SCGB2B2: variants seen among roughly 807,000 people sequenced by gnomAD.
SCGB2B2 encodes secretoglobin family 2B member 2.
Under a neutral mutation model 7.6 loss-of-function variants are expected in SCGB2B2, and 11 were observed. The ratio of observed to expected loss-of-function variants is 1.45; its 90% confidence interval spans 0.91 to 2.40. The LOEUF (loss-of-function observed/expected upper bound fraction) is 2.40. Among genes scored for constraint, SCGB2B2 ranks in the 30% most tolerant of loss-of-function variants. The pLI, the probability that SCGB2B2 is intolerant of heterozygous loss-of-function variation, is 0.00. For synonymous variants in SCGB2B2, 50 were observed against 48.6 expected (o/e 1.03, Z -0.12); for missense variants, 104 against 115.4 (o/e 0.90, Z 0.45).
chr19:34,674,046 T>A (rs2067864226), intron 1 of SCGB2B2, among the ~76,000 whole-genome samples: 1 of 152,206 alleles, frequency 6.6e-6, no homozygotes. Context: ...ACCTATGCCC[T>A]GAGTCACATC....
In SCGB2B2 at chr19:34,594,652, C is replaced by CGTGTGTGT. The variant is rs3055684; in HGVS notation, c.-97_-90dup. On this transcript the variant is annotated 5_prime_UTR_variant, in exon 2 of 4. It removes the in-frame stop codon of an upstream open reading frame in the 5' UTR. Transcript: ENST00000601241. Reference sequence around the variant, plus strand: ...TATCTGAACAAGGCACATGCCTCTTCGTGTGTGTGTGTGTGTGTGTGTGTG... The same window carrying CGTGTGTGT: ...TATCTGAACAAGGCACATGCCTCTTCGTGTGTGTGTGTGTGTGTGTGTGTGTGTGTGTG... 1.4e-3 allele frequency: 918 copies of CGTGTGTGT among 659,302 alleles called. No individual in the cohort carries two copies. Among genetic ancestry groups the CGTGTGTGT allele is most frequent in the African/African-American group, 7.3e-3 (381 of 52,524 alleles). 40.8% of individuals were successfully genotyped at this position (659,302 alleles called of 1,614,324 possible).
At chr19:34,642,515 A>T (rs1176538280) in intron 1 of SCGB2B2, among the ~76,000 whole-genome samples, 1 of 152,030 alleles carries the variant, frequency 6.6e-6, no homozygotes, top group African/African-American at 2.4e-5. Context: ...GGAGTTCAAG[A>T]CTAGCCTGGC....
At chr19:34,649,955 G>A (rs1293964891) in intron 1 of SCGB2B2, among the ~76,000 whole-genome samples, 1 of 151,198 alleles carries the variant, frequency 6.6e-6, no homozygotes, top group Non-Finnish European at 1.5e-5. Flanking sequence ...TTCAAGTCAA[G>A]GGTGAACCCT....
chr19:34,668,591 T>C (rs2067706987), intron 1 of SCGB2B2, among the ~76,000 whole-genome samples: 1 of 152,216 alleles, frequency 6.6e-6, no homozygotes. Context: ...ATCCACTGGG[T>C]GAAGCCACCT....
rs2067414738 is a variant in SCGB2B2, at chr19:34,660,267, A to G, written c.-2032+15363T>C. ...AAACACCAAAAGCAATGGCAACAAA[A>G]GCCAAAATAGACAAATGGGATCTAA... On this transcript the variant is annotated intron_variant, in intron 1 of 3. Transcript: ENST00000601241. Among the ~76,000 whole-genome samples, 4 of 152,246 alleles carry G rather than the reference A, an allele frequency of 2.6e-5. No individual in the cohort carries two copies. In the South Asian group the frequency reaches 8.3e-4, roughly 31 times the overall value.
chr19:34,651,305 T>C (rs2067156180), intron 1 of SCGB2B2, among the ~76,000 whole-genome samples: 1 of 151,058 alleles, frequency 6.6e-6, no homozygotes, highest in South Asian at 2.1e-4. Flanking sequence ...GGATGTCAAA[T>C]TGTCTCTGCT....
At chr19:34,639,142 T>C (rs1459379121) in intron 1 of SCGB2B2, among the ~76,000 whole-genome samples, 1 of 152,200 alleles carries the variant, frequency 6.6e-6, no homozygotes, top group Admixed American at 6.5e-5. Context: ...GGGACCATAA[T>C]CTGTGGATAG....
chr19:34,624,005 G>A (rs868144611), intron 1 of SCGB2B2, among the ~76,000 whole-genome samples: 1 of 152,178 alleles, frequency 6.6e-6, no homozygotes. Flanking sequence ...AGGGATGCAG[G>A]AGGAAAAAGA....
chr19:34,639,414 G>A lies in SCGB2B2; in HGVS notation c.-2032+36216C>T, dbSNP rs544517949. 2.6e-5 allele frequency among the ~76,000 whole-genome samples: 4 copies of A among 152,148 alleles called. No individual in the cohort carries two copies. In the South Asian group the frequency reaches 6.2e-4, roughly 24 times the overall value. On this transcript the variant is annotated intron_variant, in intron 1 of 3. Transcript: ENST00000601241. The stretch of plus-strand genomic sequence containing the variant: ...ACTACCAAATATAGAAAACACATTC[G>A]AGTGATGCCTGCAAAAGATGTATTA...
intron 1 of SCGB2B2, among the ~76,000 whole-genome samples, chr19:34,647,275 C>A (rs1055522534): frequency 6.6e-6 from 1 of 152,188 alleles, no homozygotes; most frequent in African/African-American, 2.4e-5. Flanking sequence ...CAGTTGATTT[C>A]GTCCTCGCTG....
Position 34,593,433 on chromosome 19 carries a change from C to G in SCGB2B2, c.*122G>C. On this transcript the variant is annotated 3_prime_UTR_variant, in exon 4 of 4. Coordinates refer to ENST00000601241, the MANE Select transcript of SCGB2B2 (RefSeq NM_001025591.4). ...AGCCAACCCCACACAGATGCCAGAA[C>G]ACAGAACTGAGCTGCAGGTGTTCAT... 1 of 713,540 alleles carries G rather than the reference C, an allele frequency of 1.4e-6. No homozygotes were observed. The highest frequency in any genetic ancestry group is 2.4e-6 in the Non-Finnish European group (1 of 414,146). The allele number at this position is 713,540 out of a possible 1,614,324, so 44.2% of individuals were successfully genotyped here.
chr19:34,593,700 G>A (rs2065359332), intron 3 of SCGB2B2, 101 bp from the exon 4 acceptor site: 1 of 909,938 alleles, frequency 1.1e-6, no homozygotes, highest in Admixed American at 2.2e-5. Flanking sequence ...AGCTCCTTGA[G>A]TGTGTCTGCT....
In SCGB2B2 at chr19:34,594,248, T is replaced by C; in HGVS notation, c.173A>G (p.Glu58Gly). The C allele has an allele frequency of 1.2e-6, 2 of 1,614,110 alleles. No individual in the cohort carries two copies. Among genetic ancestry groups the C allele is most frequent in the Non-Finnish European group, 1.7e-6 (2 of 1,179,938 alleles). Residue 58 changes from glutamate to glycine, a missense_variant, in exon 3 of 4, where the codon GAG becomes GGG. Transcript: ENST00000601241. ...ARYNPSPLTE[E>G]SFLNVQQCFA... ...GCATTGCTGGACATTGAGGAAGGACTCCTCTGTCAGGGGACTGGGGTTGTA... is the reference window on the plus strand; with the variant it reads ...GCATTGCTGGACATTGAGGAAGGACCCCTCTGTCAGGGGACTGGGGTTGTA...
At chr19:34,623,299 A>G (rs1167692434) in intron 1 of SCGB2B2, among the ~76,000 whole-genome samples, 1 of 152,214 alleles carries the variant, frequency 6.6e-6, no homozygotes, top group Admixed American at 6.5e-5. Flanking sequence ...TCTGACGATT[A>G]AAAGAGATCC....
intron 1 of SCGB2B2, among the ~76,000 whole-genome samples, chr19:34,661,899 G>T (rs192695018): frequency 6.7e-6 from 1 of 150,338 alleles, no homozygotes; most frequent in East Asian, 2.0e-4. Context: ...TAATTTTTTT[G>T]AGATGGAGTC....
chr19:34,587,966 AG>A (rs1156333024), downstream of SCGB2B2, among the ~76,000 whole-genome samples: 2 of 152,158 alleles, frequency 1.3e-5, no homozygotes, highest in Non-Finnish European at 2.9e-5. Flanking sequence ...CACGTTTATC[AG>A]TGATATTGGC....
intron 1 of SCGB2B2, among the ~76,000 whole-genome samples, chr19:34,639,717 G>A (rs1388590134): frequency 6.6e-6 from 1 of 152,124 alleles, no homozygotes; most frequent in Non-Finnish European, 1.5e-5. Context: ...GACCTATCTT[G>A]GGTCCGCAGA....
intron 1 of SCGB2B2, among the ~76,000 whole-genome samples, chr19:34,629,570 AG>A (rs2066470568): frequency 6.6e-6 from 1 of 152,030 alleles, no homozygotes; most frequent in Non-Finnish European, 1.5e-5. Context: ...AGGGATGTGA[AG>A]GACCTCTTCA....
rs529248731 is a variant in SCGB2B2, at chr19:34,660,982, G to A, written c.-2032+14648C>T. Among the ~76,000 whole-genome samples the A allele has an allele frequency of 3.3e-5, 5 of 152,302 alleles. No individual in the cohort carries two copies. In the East Asian group the frequency reaches 9.7e-4, roughly 29 times the overall value. On this transcript the variant is annotated intron_variant, in intron 1 of 3. Coordinates refer to ENST00000601241, the MANE Select transcript of SCGB2B2 (RefSeq NM_001025591.4). Reference sequence around the variant, plus strand: ...AGTGCATGTCCTTTGCAGGGACATGGATGAAGCTGGAAACCATCATTCTCA... The same window carrying A: ...AGTGCATGTCCTTTGCAGGGACATGAATGAAGCTGGAAACCATCATTCTCA...
Sources: allele counts gnomAD v4.1 joint callset (sites outside exome capture counted in the v4.1 genomes callset), GRCh38; gene constraint gnomAD v4.1.1; transcripts MANE v1.5; gene names NCBI Gene and HGNC (gene_info 2026-07-23, HGNC 2026-07-21).